The following PLCE1 variants were observed in gnomAD, a reference collection of about 807,000 sequenced individuals.
PLCE1 encodes phospholipase C epsilon 1, also known as 1-phosphatidylinositol 4,5-bisphosphate phosphodiesterase epsilon-1.
In PLCE1, 119 loss-of-function variants were observed where a neutral mutation model predicts 242.8. That is an observed-to-expected ratio of 0.49 (90% confidence interval 0.42 to 0.57). The LOEUF (loss-of-function observed/expected upper bound fraction) is 0.57. Ranked by LOEUF, PLCE1 falls within the 20% of genes least tolerant of loss-of-function variation. The pLI is 0.00. For synonymous variants in PLCE1, 945 were observed against 1,017.4 expected, an observed-to-expected ratio of 0.93 and a Z score of 1.35; for missense variants, 2,441 against 2,788.8, an observed-to-expected ratio of 0.88 and a Z score of 2.81.
At chr10:94,087,183 A>C (rs2044858869) in intron 2 of PLCE1, among the ~76,000 whole-genome samples, 1 of 151,790 alleles carries the variant, frequency 6.6e-6, no homozygotes, top group South Asian at 2.1e-4. Context: ...CCCTGTTGCT[A>C]TAAAGTTTTT....
chr10:94,197,379 A>G (rs1050276091), intron 4 of PLCE1, among the ~76,000 whole-genome samples: 56 of 152,154 alleles, frequency 3.7e-4, no homozygotes, highest in African/African-American at 1.4e-3. Context: ...CATACAACTC[A>G]ATGTTTAGCA....
At chr10:94,284,786 G>A in intron 21 of PLCE1, 62 bp from the exon 22 acceptor site, 1 of 875,366 alleles carries the variant, frequency 1.1e-6, no homozygotes. Flanking sequence ...AAGAGCTTTG[G>A]GAATCCAGAG....
chr10:94,306,661 A>C lies in PLCE1; in HGVS notation c.5857A>C (p.Ile1953Leu). Residue 1953 changes from isoleucine to leucine, a missense_variant, in exon 26 of 33, where the codon ATC becomes CTC. Transcript: ENST00000371380. The surrounding 1 kb of genome is among the most constrained non-coding windows in gnomAD (Gnocchi z 5.7). ...NNSSAVTAQR[I>L]IPLKALKRGY... Reference sequence around the variant, plus strand: ...TAGTTCAGCGGTAACTGCTCAGAGAATCATTCCACTGAAAGCTTTAAAACG... The same window carrying C: ...TAGTTCAGCGGTAACTGCTCAGAGACTCATTCCACTGAAAGCTTTAAAACG... 2.5e-6 allele frequency: 4 copies of C among 1,614,070 alleles called. No homozygotes were observed. The South Asian group carries it at 3.3e-5, about 13-fold the overall frequency.
chr10:94,274,685 A>G (rs2051879748), intron 19 of PLCE1, among the ~76,000 whole-genome samples: 1 of 152,066 alleles, frequency 6.6e-6, no homozygotes, highest in Non-Finnish European at 1.5e-5. Context: ...ATTATTTTTA[A>G]ACACTGCACC....
At chr10:94,001,161 A>G (rs192387732) in intron 1 of PLCE1, among the ~76,000 whole-genome samples, 34 of 152,322 alleles carry the variant, frequency 2.2e-4, no homozygotes, top group Middle Eastern at 3.4e-3. Context: ...ATCTGGGGAA[A>G]ATAAAACAAA....
chr10:94,053,881 TTTTC>T (rs1274550600), intron 2 of PLCE1, among the ~76,000 whole-genome samples: 1 of 152,216 alleles, frequency 6.6e-6, no homozygotes, highest in Non-Finnish European at 1.5e-5. Context: ...CCAGATTAGT[TTTTC>T]TTTATTTTTT....
intron 25 of PLCE1, among the ~76,000 whole-genome samples, 180 bp downstream of exon 25, chr10:94,304,825 G>T (rs1454839611): frequency 6.6e-6 from 1 of 152,126 alleles, no homozygotes; most frequent in Non-Finnish European, 1.5e-5. Flanking sequence ...ACAAGCTGTT[G>T]CCAGACACTG....
chr10:94,062,855 CTCTT>C (rs1445780800), intron 2 of PLCE1, among the ~76,000 whole-genome samples: 4 of 152,110 alleles, frequency 2.6e-5, no homozygotes, highest in Non-Finnish European at 5.9e-5. Context: ...CATGATGGGA[CTCTT>C]TAATCTGTAC....
rs964479086 is a variant in PLCE1 at position 94,332,314 on chromosome 10, C to T, written c.*4371C>T. On this transcript the variant is annotated 3_prime_UTR_variant, in exon 33 of 33. Coordinates refer to ENST00000371380, the MANE Select transcript of PLCE1 (RefSeq NM_016341.4). ...ATTCTAACACTGAATTGGGTACTGT[C>T]GCATTTTTCAAAAGCGTTATGTGGA... 5.3e-5 allele frequency: 8 copies of T among 152,152 alleles called. No individual in the cohort carries two copies. Among genetic ancestry groups the T allele is most frequent in the African/African-American group, 1.7e-4 (7 of 41,424 alleles). 9.4% of individuals were successfully genotyped at this position (152,152 alleles called of 1,614,324 possible). A position where few individuals can be genotyped will look rare whatever the true frequency, so the allele number is the denominator to read the frequency against.
At chr10:94,140,752 G>A (rs530857150) in intron 3 of PLCE1, among the ~76,000 whole-genome samples, 2 of 152,234 alleles carry the variant, frequency 1.3e-5, no homozygotes, top group Non-Finnish European at 2.9e-5. Context: ...CCCTTTACAT[G>A]CCTACTAGGC....
intron 24 of PLCE1, among the ~76,000 whole-genome samples, chr10:94,302,485 G>A (rs1239003207): frequency 2.0e-5 from 3 of 151,502 alleles, no homozygotes; most frequent in Non-Finnish European, 4.4e-5. Context: ...GGGTAGACAC[G>A]GTGCTACTGA....
At chr10:94,007,705 T>TC (rs1344970393) in intron 1 of PLCE1, among the ~76,000 whole-genome samples, 9 of 140,270 alleles carry the variant, frequency 6.4e-5, no homozygotes, top group South Asian at 2.4e-4. Context: ...CTTTCTTTTT[T>TC]TTTTTTTTTT....
intron 1 of PLCE1, among the ~76,000 whole-genome samples, chr10:94,001,577 CT>C (rs1483650528): frequency 6.6e-6 from 1 of 152,090 alleles, no homozygotes; most frequent in Non-Finnish European, 1.5e-5. Context: ...TATGGAAAAT[CT>C]GGAGAATGGA....
chr10:94,183,263 G>A (rs896180522), intron 4 of PLCE1, among the ~76,000 whole-genome samples: 1 of 152,130 alleles, frequency 6.6e-6, no homozygotes, highest in Non-Finnish European at 1.5e-5. Flanking sequence ...AAATCCAACT[G>A]CCTTCTCAAT....
At chr10:94,083,140 T>C (rs1298301234) in intron 2 of PLCE1, among the ~76,000 whole-genome samples, 1 of 152,152 alleles carries the variant, frequency 6.6e-6, no homozygotes, top group African/African-American at 2.4e-5. Flanking sequence ...AGATTCTTGG[T>C]CAAGAATCTG....
rs2061549605 is a variant in PLCE1, at chr10:94,031,168, C to T, written c.122C>T (p.Ala41Val). The change falls in exon 2 of 33, where the codon GCA (alanine) becomes GTA (valine). Residue 41 changes from alanine (A) to valine (V), a missense_variant. This residue lies in a region of PLCE1 where 393 missense variants were observed against 378.5 expected (regional missense o/e 1.04). Transcript: ENST00000371380. ...GTCTCAGACATCAATATTTCAAAAG[C>T]ACATACTGTCAGACGAAGTGGGGAG... Reference protein sequence around the residue: ...EKVSDINISKAHTVRRSGETS... With the variant: ...EKVSDINISKVHTVRRSGETS... 1.9e-6 allele frequency: 3 copies of T among 1,613,700 alleles called. No individual in the cohort carries two copies. The highest frequency in any genetic ancestry group is 2.5e-6 in the Non-Finnish European group (3 of 1,179,838).
rs116165619 is a variant in PLCE1, at chr10:94,320,923, T to C, written c.6343-978T>C. Among the ~76,000 whole-genome samples, 778 of 152,288 alleles carry C rather than the reference T, an allele frequency of 5.1e-3. 8 individuals carry two copies. The highest frequency in any genetic ancestry group is 0.018 in the African/African-American group (748 of 41,554). On this transcript the variant is annotated intron_variant, in intron 29 of 32. Transcript: ENST00000371380. ...TGACAGTGGGGTATTTTGTGGCGAATAAGGTGGGAGAAGGAAAAAAGATGA... is the reference window on the plus strand; with the variant it reads ...TGACAGTGGGGTATTTTGTGGCGAACAAGGTGGGAGAAGGAAAAAAGATGA...
chr10:94,187,146 A>ATGTG (rs372501153), intron 4 of PLCE1, among the ~76,000 whole-genome samples: 15,037 of 145,310 alleles, frequency 0.1, 985 homozygotes, highest in African/African-American at 0.18. Context: ...TGAAACATAT[A>ATGTG]TGTGTGTGTG....
chr10:94,124,961 A>G, intron 2 of PLCE1, among the ~76,000 whole-genome samples: 1 of 152,334 alleles, frequency 6.6e-6, no homozygotes, highest in South Asian at 2.1e-4. Flanking sequence ...CATATGATTT[A>G]TATATCTAGT....
Sources: gnomAD v4.1 joint callset for allele counts (sites outside exome capture counted in the v4.1 genomes callset) on GRCh38, gnomAD v4.1.1 for gene constraint, gnomAD v4.1.1 regional missense constraint, Gnocchi (gnomAD v3.1) non-coding constraint, MANE v1.5 for transcripts, NCBI Gene and HGNC (gene_info 2026-07-23, HGNC 2026-07-21) for gene names.